ADCY2: variants seen among roughly 807,000 people sequenced by gnomAD.
The protein encoded by ADCY2 is adenylate cyclase type 2.
ADCY2 carries 31 observed loss-of-function variants against 125.2 expected under a neutral mutation model. The ratio of observed to expected loss-of-function variants is 0.25; its 90% CI spans 0.19 to 0.33. The LOEUF is 0.33. Ranked by LOEUF, ADCY2 falls within the 10% of genes least tolerant of loss-of-function variation. The probability of loss-of-function intolerance (pLI) is 1.00; values close to 1 mark genes in which losing one functional copy is unlikely to be tolerated. For missense variants in ADCY2, 904 were observed against 1,418.2 expected, an observed-to-expected ratio of 0.64 and a Z score of 5.82; for synonymous variants, 512 against 548.4, an observed-to-expected ratio of 0.93 and a Z score of 0.93.
chr5:7,783,016 G>A (rs922455571), intron 18 of ADCY2, among the ~76,000 whole-genome samples: 2 of 152,136 alleles, frequency 1.3e-5, no homozygotes, highest in African/African-American at 4.8e-5. Flanking sequence ...AGGTTTGGTG[G>A]GGAGGAAAGA....
intron 20 of ADCY2, among the ~76,000 whole-genome samples, chr5:7,791,483 C>A (rs193127825): frequency 1.1e-3 from 169 of 152,278 alleles, no homozygotes; most frequent in African/African-American, 3.7e-3. Flanking sequence ...AGGTGCTAGA[C>A]ATCACCACTC....
chr5:7,441,491 G>A (rs1215176522), intron 2 of ADCY2, among the ~76,000 whole-genome samples: 1 of 151,776 alleles, frequency 6.6e-6, no homozygotes, highest in Non-Finnish European at 1.5e-5. Flanking sequence ...TGATGACTAG[G>A]ATGATAGCGT....
intron 2 of ADCY2, among the ~76,000 whole-genome samples, chr5:7,454,548 C>T (rs1472010343): frequency 6.6e-6 from 1 of 152,126 alleles, no homozygotes; most frequent in Non-Finnish European, 1.5e-5. Context: ...TATTGGTGAA[C>T]ACTTCTTTTT....
At chr5:7,783,549 A>T (rs1228955565) in intron 18 of ADCY2, among the ~76,000 whole-genome samples, 1 of 152,096 alleles carries the variant, frequency 6.6e-6, no homozygotes, top group East Asian at 1.9e-4. Flanking sequence ...AAAAAAAACA[A>T]GGACGACACA....
At chr5:7,575,331 G>GA (rs1256177349) in intron 3 of ADCY2, among the ~76,000 whole-genome samples, 1 of 151,560 alleles carries the variant, frequency 6.6e-6, no homozygotes, top group African/African-American at 2.4e-5. Flanking sequence ...TTAAAATAAT[G>GA]AAAAAAACAC....
chr5:7,526,470 G>A lies in ADCY2; in HGVS notation c.570+5571G>A, dbSNP rs960619479. Among the ~76,000 whole-genome samples the A allele has an allele frequency of 2.6e-5, 4 of 152,248 alleles. No homozygotes were observed. In the South Asian group the frequency reaches 8.3e-4, roughly 32 times the overall value. ...TCAAAATAGTTAGTAGAGAAGAATTGTAATGTTCCCAACACAAAGGAAGGA... is the reference window on the plus strand; with the variant it reads ...TCAAAATAGTTAGTAGAGAAGAATTATAATGTTCCCAACACAAAGGAAGGA... On this transcript the variant is annotated intron_variant, in intron 3 of 24. Coordinates refer to ENST00000338316, the MANE Select transcript of ADCY2 (RefSeq NM_020546.3).
At chr5:7,780,653 GA>G (rs768879740) in intron 18 of ADCY2, among the ~76,000 whole-genome samples, 2 of 152,200 alleles carry the variant, frequency 1.3e-5, no homozygotes, top group Non-Finnish European at 2.9e-5. Context: ...CAGCACAAGA[GA>G]AATTAGACTC....
intron 4 of ADCY2, 119 bp downstream of exon 4, chr5:7,626,435 C>T: frequency 1.7e-6 from 2 of 1,185,050 alleles, no homozygotes; most frequent in South Asian, 3.1e-5. Context: ...AGAGAAGAAA[C>T]CCTGGGCTCT....
rs549695171 is a variant in ADCY2 at position 7,681,423 on chromosome 5, A to G, written c.721-9268A>G. ...GGCATGGAGCACTTAATTTATCAGA[A>G]CAAATATGCAGAGGTGTGGACATCT... On this transcript the variant is annotated intron_variant, in intron 4 of 24. Transcript: ENST00000338316. Among the ~76,000 whole-genome samples, 5 of 152,272 alleles carry G rather than the reference A, an allele frequency of 3.3e-5. No individual in the cohort carries two copies. In the South Asian group the frequency reaches 1.0e-3, roughly 32 times the overall value.
At chr5:7,779,424 A>G (rs934482185) in intron 18 of ADCY2, among the ~76,000 whole-genome samples, 1 of 152,166 alleles carries the variant, frequency 6.6e-6, no homozygotes, top group Non-Finnish European at 1.5e-5. Context: ...ATGTGATGCT[A>G]AAGCCATGCC....
chr5:7,453,725 C>A (rs377355508), intron 2 of ADCY2, among the ~76,000 whole-genome samples: 208 of 152,212 alleles, frequency 1.4e-3, no homozygotes, highest in Non-Finnish European at 2.7e-3. Context: ...GGTCTTGTGT[C>A]CCTTCTCCCC....
At chr5:7,631,495 G>A (rs1180694679) in intron 4 of ADCY2, among the ~76,000 whole-genome samples, 1 of 152,140 alleles carries the variant, frequency 6.6e-6, no homozygotes, top group Non-Finnish European at 1.5e-5. Context: ...GGTTTTGCAT[G>A]GGTTTTCTGG....
intron 15 of ADCY2, among the ~76,000 whole-genome samples, chr5:7,754,464 G>A (rs1433131638): frequency 6.6e-6 from 1 of 151,702 alleles, no homozygotes; most frequent in East Asian, 1.9e-4. Flanking sequence ...GATAATTTCT[G>A]TGTACAGAAA....
chr5:7,591,744 G>A (rs530475175), intron 3 of ADCY2, among the ~76,000 whole-genome samples: 1 of 152,264 alleles, frequency 6.6e-6, no homozygotes, highest in East Asian at 1.9e-4. Flanking sequence ...GGCAATCCAC[G>A]CATAGAATCA....
rs386352276 is a variant in ADCY2 at position 7,520,818 on chromosome 5, C to T, written c.489C>T (p.Val163=). 6.2e-7 allele frequency: 1 copy of T among 1,614,106 alleles called. No individual in the cohort carries two copies. The highest frequency in any genetic ancestry group is 1.1e-5 in the South Asian group (1 of 91,088). The change falls in exon 3 of 25, where the codon GTC becomes GTT. Residue 163 remains valine, a synonymous_variant. Transcript: ENST00000338316. ...FNMRDAIIAS[V]LTSSSHTIVL... ...TGCGAGACGCCATCATTGCCAGCGT[C>T]CTCACCTCCTCCTCCCACACCATCG... is the stretch of plus-strand genomic sequence containing the variant.
At chr5:7,545,590 A>C (rs565813852) in intron 3 of ADCY2, among the ~76,000 whole-genome samples, 14 of 152,266 alleles carry the variant, frequency 9.2e-5, no homozygotes, top group African/African-American at 3.4e-4. Flanking sequence ...CCCCAAAGTC[A>C]CAGCTTAGAA....
In ADCY2 at chr5:7,414,553, G is replaced by T; in HGVS notation, c.211-20G>T. 1.3e-6 allele frequency: 2 copies of T among 1,587,086 alleles called. No homozygotes were observed. Among genetic ancestry groups the T allele is most frequent in the Non-Finnish European group, 1.7e-6 (2 of 1,167,712 alleles). ...TGTCTCTAAATGGTAACTTTTCCAT[G>T]TATTTTTTTATCTCCTCAGGAAGTT... On this transcript the variant is annotated intron_variant, in intron 1 of 24. Coordinates refer to ENST00000338316, the MANE Select transcript of ADCY2 (RefSeq NM_020546.3).
rs112808816 is a variant in ADCY2, at chr5:7,550,026, C to G, written c.570+29127C>G. Among the ~76,000 whole-genome samples the G allele has an allele frequency of 1.7e-3, 255 of 152,192 alleles. 1 individual carries two copies. Among genetic ancestry groups the G allele is most frequent in the African/African-American group, 6.0e-3 (248 of 41,520 alleles). On this transcript the variant is annotated intron_variant, in intron 3 of 24. Coordinates refer to ENST00000338316, the MANE Select transcript of ADCY2 (RefSeq NM_020546.3). ...TCTCTCCACTTGGTTTTCCTGGGAC[C>G]CCAGGGATATTTTGCAGATAGAACC...
intron 1 of ADCY2, among the ~76,000 whole-genome samples, chr5:7,414,090 A>G (rs976370790): frequency 1.3e-5 from 2 of 152,228 alleles, no homozygotes; most frequent in African/African-American, 4.8e-5. Flanking sequence ...TCCCATCAAA[A>G]CATTAATTGC....
Sources: allele counts gnomAD v4.1 joint callset (sites outside exome capture counted in the v4.1 genomes callset), GRCh38; gene constraint gnomAD v4.1.1; transcripts MANE v1.5; gene names NCBI Gene and HGNC (gene_info 2026-07-23, HGNC 2026-07-21).